The following EPS8L3 variants were observed in gnomAD, a reference collection of about 807,000 sequenced individuals.
The protein encoded by EPS8L3 is EPS8 signaling adaptor L3.
A neutral mutation model predicts 88.5 loss-of-function variants in EPS8L3; 80 were observed. The ratio of observed to expected loss-of-function variants is 0.90; its 90% CI spans 0.75 to 1.09. The LOEUF (loss-of-function observed/expected upper bound fraction) is 1.09, where lower values mean the gene tolerates loss of function less well. EPS8L3 is among the 50% of genes least tolerant of loss of function. The pLI, the probability that EPS8L3 is intolerant of heterozygous loss-of-function variation, is 0.00. For synonymous variants in EPS8L3, 286 were observed against 291.0 expected, an observed-to-expected ratio of 0.98 and a Z score of 0.18; for missense variants, 721 against 735.2, an observed-to-expected ratio of 0.98 and a Z score of 0.22.
rs747427964 is a variant in EPS8L3 at position 109,761,531 on chromosome 1, G to A, written c.60C>T (p.Leu20=). Residue 20 remains leucine (L), a synonymous_variant, in exon 3 of 19, where the codon CTC becomes CTT. Transcript: ENST00000361965. ...YLHRKEYSQN[L]TSEPTLLQHR... ...GCTGCAGGAGGGTGGGCTCTGAGGT[G>A]AGGTTCTGGGAGTACTCCTTCCGGT... The A allele has an allele frequency of 6.2e-7, 1 of 1,613,676 alleles. No individual in the cohort carries two copies. The highest frequency in any genetic ancestry group is 8.5e-7 in the Non-Finnish European group (1 of 1,179,768).
chr1:109,754,397 T>C (rs1650094708), intron 12 of EPS8L3, among the ~76,000 whole-genome samples: 1 of 152,232 alleles, frequency 6.6e-6, no homozygotes, highest in South Asian at 2.1e-4. Flanking sequence ...TATAATTTGC[T>C]TGAAATTCAA....
At chr1:109,753,044 G>A (rs1436208591) in intron 13 of EPS8L3, 73 bp downstream of exon 13, 1 of 1,359,168 alleles carries the variant, frequency 7.4e-7, no homozygotes, top group Non-Finnish European at 1.0e-6. Flanking sequence ...TGTGACCATG[G>A]TTTGGATGGG....
At chr1:109,752,750 G>A (rs1371920980) in intron 13 of EPS8L3, 30 bp from the exon 14 acceptor site, 10 of 1,548,638 alleles carry the variant, frequency 6.5e-6, no homozygotes, top group African/African-American at 1.4e-5. Context: ...GAGTGAGTAA[G>A]AGCAGGAGGC....
intron 3 of EPS8L3, among the ~76,000 whole-genome samples, chr1:109,760,542 G>A (rs1264437287): frequency 6.7e-6 from 1 of 149,820 alleles, no homozygotes; most frequent in Non-Finnish European, 1.5e-5. Context: ...CCCTGTGTTC[G>A]CACTGCCAGC....
At chr1:109,752,582 G>C (rs1355361277) in intron 14 of EPS8L3, 104 bp downstream of exon 14, 15 of 1,087,282 alleles carry the variant, frequency 1.4e-5, no homozygotes, top group Non-Finnish European at 1.4e-6. Flanking sequence ...GGCTAAAAGA[G>C]ACCCTCTTGG....
intron 12 of EPS8L3, 121 bp downstream of exon 12, chr1:109,756,896 C>A: frequency 7.7e-7 from 1 of 1,305,442 alleles, no homozygotes; most frequent in South Asian, 1.3e-5. Flanking sequence ...TGTAGAGTCC[C>A]CCAAGTAGCT....
chr1:109,757,726 G>A, intron 10 of EPS8L3, 76 bp downstream of exon 10: 3 of 1,515,098 alleles, frequency 2.0e-6, no homozygotes, highest in Non-Finnish European at 2.8e-6. Context: ...TGGGATGGTT[G>A]AGTCCAGACA....
In EPS8L3 at chr1:109,750,396, G is replaced by C; in HGVS notation, c.1777C>G (p.Pro593Ala). Residue 593 changes from proline to alanine, a missense_variant, in exon 19 of 19, where the codon CCT becomes GCT. Transcript: ENST00000361965. The stretch of plus-strand genomic sequence containing the variant: ...GGAGGTGTCTAAGCTGGTGCCTAAG[G>C]GCTTATCTGAGGAAAGACAAAGATT... ...EAVRRMLGIS[P>A] The C allele has an allele frequency of 6.2e-7, 1 of 1,613,798 alleles. No individual in the cohort carries two copies.
intron 12 of EPS8L3, among the ~76,000 whole-genome samples, chr1:109,754,306 GTC>G (rs1650088932): frequency 6.6e-6 from 1 of 152,096 alleles, no homozygotes; most frequent in Non-Finnish European, 1.5e-5. Flanking sequence ...GCCTTGTATG[GTC>G]TCTGTCCTTC....
Position 109,758,322 on chromosome 1 carries a change from C to G in EPS8L3, c.711G>C (p.Arg237Ser). Residue 237 changes from arginine to serine, a missense_variant, in exon 8 of 19, where the codon AGG becomes AGC. By Grantham distance (110) the Arg-to-Ser change is moderately radical. Coordinates refer to ENST00000361965, the MANE Select transcript of EPS8L3 (RefSeq NM_133181.4). ...CAAGACCATCCGCAGTTACCTCGTC[C>G]CTCTCTGGGTCCTCGGGGGAAGAGG... is the stretch of plus-strand genomic sequence containing the variant. ...RRSSSPEDPERDEEVLNHVLR... is the reference protein window; with the variant it reads ...RRSSSPEDPESDEEVLNHVLR... The G allele has an allele frequency of 6.2e-7, 1 of 1,613,446 alleles. No homozygotes were observed. The highest frequency in any genetic ancestry group is 8.5e-7 in the Non-Finnish European group (1 of 1,179,648).
chr1:109,762,691 A>G (rs144462895), intron 1 of EPS8L3, among the ~76,000 whole-genome samples: 1 of 152,214 alleles, frequency 6.6e-6, no homozygotes, highest in African/African-American at 2.4e-5. Flanking sequence ...CTAATCCTCA[A>G]AACAACCTCA....
rs1053958359 is a variant in EPS8L3 at position 109,752,100 on chromosome 1, G to C, written c.1329C>G (p.Pro443=). The part of the protein sequence containing the change: ...DPQPGDPNSR[P]SSPKPAQPAL... The stretch of plus-strand genomic sequence containing the variant: ...CTGGCTGGGCAGGTTTGGGGCTGGA[G>C]GGCCTGGAGTTGGGGTCCCCAGGCT... Residue 443 remains proline, a synonymous_variant, in exon 15 of 19, where the codon CCC becomes CCG. Coordinates refer to ENST00000361965, the MANE Select transcript of EPS8L3 (RefSeq NM_133181.4). 6.2e-7 allele frequency: 1 copy of C among 1,614,142 alleles called. No individual in the cohort carries two copies. Among genetic ancestry groups the C allele is most frequent in the Non-Finnish European group, 8.5e-7 (1 of 1,180,024 alleles).
chr1:109,762,040 A>AG (rs1177432621), intron 1 of EPS8L3, among the ~76,000 whole-genome samples: 2 of 152,166 alleles, frequency 1.3e-5, no homozygotes, highest in African/African-American at 2.4e-5. Flanking sequence ...GGAAGGCTCC[A>AG]GGCCTCCCAT....
At chr1:109,753,039 C>A in intron 13 of EPS8L3, 78 bp downstream of exon 13, 1 of 1,309,274 alleles carries the variant, frequency 7.6e-7, no homozygotes, top group Non-Finnish European at 1.1e-6. Context: ...AGTTGTGTGA[C>A]CATGGTTTGG....
rs1009916957 is a variant in EPS8L3 at position 109,751,622 on chromosome 1, T to C, written c.1563+32A>G. On this transcript the variant is annotated intron_variant, in intron 16 of 18. Coordinates refer to ENST00000361965, the MANE Select transcript of EPS8L3 (RefSeq NM_133181.4). ...CCACCCCGACCTCCAACTCAAGACT[T>C]AGGGCTCTGGATAGTCCAGGCTGGG... 3.1e-6 allele frequency: 5 copies of C among 1,613,634 alleles called. No homozygotes were observed. In the South Asian group the frequency reaches 4.4e-5, roughly 14 times the overall value.
At chr1:109,757,336 T>G (rs1479764869) in intron 11 of EPS8L3, 145 bp downstream of exon 11, 9 of 1,110,348 alleles carry the variant, frequency 8.1e-6, no homozygotes, top group Non-Finnish European at 1.2e-5. Flanking sequence ...CCTTAGAGCC[T>G]TGGCGTCCTT....
In EPS8L3 at chr1:109,757,534, T is replaced by C. The variant is rs1188939786; in HGVS notation, c.916A>G (p.Lys306Glu). Residue 306 changes from lysine (K) to glutamate (E), a missense_variant, in exon 11 of 19, where the codon AAG becomes GAG. Physicochemically the swap from Lys to Glu is moderately conservative, Grantham distance 56. Transcript: ENST00000361965. ...NLLGRLATWLKETSAPELVHI... is the reference protein window; with the variant it reads ...NLLGRLATWLEETSAPELVHI... ...ACGAGCTCAGGGGCACTTGTCTCCT[T>C]CAGCCAGGTGGCCAGCCTTCCCTGG... The C allele has an allele frequency of 1.2e-6, 2 of 1,613,650 alleles. No individual in the cohort carries two copies. The highest frequency in any genetic ancestry group is 1.7e-6 in the Non-Finnish European group (2 of 1,179,598).
chr1:109,760,933 T>C (rs1041022574), intron 3 of EPS8L3, among the ~76,000 whole-genome samples: 72 of 152,160 alleles, frequency 4.7e-4, no homozygotes, highest in African/African-American at 1.4e-3. Flanking sequence ...TTGCAGTGCC[T>C]GCATCATCCT....
intron 3 of EPS8L3, among the ~76,000 whole-genome samples, chr1:109,760,985 C>T (rs548720380): frequency 1.6e-4 from 25 of 152,260 alleles, no homozygotes; most frequent in African/African-American, 5.8e-4. Context: ...TTGGAGCAGC[C>T]TCGGAGCTGC....
Sources: allele counts gnomAD v4.1 joint callset (sites outside exome capture counted in the v4.1 genomes callset), GRCh38; gene constraint gnomAD v4.1.1; transcripts MANE v1.5; gene names NCBI Gene and HGNC (gene_info 2026-07-23, HGNC 2026-07-21).